Variants in ARHGAP24 observed in about 807,000 individuals in gnomAD.
The protein encoded by ARHGAP24 is rho GTPase-activating protein 24.
In ARHGAP24, 50 loss-of-function variants were observed where a neutral mutation model predicts 76.4. The observed-to-expected ratio is 0.65, with a 90% CI of 0.52 to 0.83. ARHGAP24 has a LOEUF of 0.83. Among genes scored for constraint, ARHGAP24 ranks in the 40% least tolerant of loss-of-function variants. The pLI, the probability that ARHGAP24 is intolerant of heterozygous loss-of-function variation, is 0.00. For missense variants in ARHGAP24, 930 were observed against 914.2 expected (o/e 1.02, Z -0.22); for synonymous variants, 345 against 323.3 (o/e 1.07, Z -0.72).
chr4:85,664,024 C>G (rs1176479925), intron 2 of ARHGAP24, among the ~76,000 whole-genome samples: 1 of 151,300 alleles, frequency 6.6e-6, no homozygotes, highest in Non-Finnish European at 1.5e-5. Flanking sequence ...CAGGATGATG[C>G]TGGCCTCATA....
chr4:85,657,764 T>C (rs1320038700), intron 2 of ARHGAP24, among the ~76,000 whole-genome samples: 2 of 152,214 alleles, frequency 1.3e-5, no homozygotes, highest in Non-Finnish European at 2.9e-5. Context: ...CAATTATTGT[T>C]ATTATTTTGA....
At chr4:85,896,128 C>T (rs933223297) in intron 3 of ARHGAP24, among the ~76,000 whole-genome samples, 2 of 152,128 alleles carry the variant, frequency 1.3e-5, no homozygotes, top group Non-Finnish European at 2.9e-5. Flanking sequence ...GCTAAACAAA[C>T]AGAAAATTTG....
intron 3 of ARHGAP24, among the ~76,000 whole-genome samples, chr4:85,895,415 T>A (rs757502053): frequency 2.0e-5 from 3 of 152,056 alleles, no homozygotes; most frequent in African/African-American, 7.2e-5. Context: ...CCAAAGTAGA[T>A]CACCTGGGCT....
At chr4:85,719,941 TG>T in intron 2 of ARHGAP24, among the ~76,000 whole-genome samples, 2 of 152,074 alleles carry the variant, frequency 1.3e-5, no homozygotes, top group African/African-American at 4.8e-5. Context: ...GATGGGAGCA[TG>T]CTGCCATTTA....
At chr4:85,992,908 G>C (rs2148869264) in intron 8 of ARHGAP24, among the ~76,000 whole-genome samples, 2 of 151,990 alleles carry the variant, frequency 1.3e-5, no homozygotes, top group East Asian at 3.9e-4. Context: ...ACTTATTACT[G>C]CTACGGTTTT....
At chr4:85,997,844 CAG>C (rs747110017) in intron 9 of ARHGAP24, among the ~76,000 whole-genome samples, 3 of 151,452 alleles carry the variant, frequency 2.0e-5, no homozygotes, top group Non-Finnish European at 4.4e-5. Context: ...CTTGTGGAGA[CAG>C]GGGTTTTACC....
chr4:85,887,733 A>G (rs190775046), intron 3 of ARHGAP24, among the ~76,000 whole-genome samples: 99 of 152,256 alleles, frequency 6.5e-4, no homozygotes, highest in African/African-American at 2.2e-3. Context: ...GCTTAGGTGA[A>G]TTTTGATCTG....
chr4:85,926,838 A>G (rs371855391), intron 4 of ARHGAP24, among the ~76,000 whole-genome samples: 4 of 152,310 alleles, frequency 2.6e-5, no homozygotes, highest in African/African-American at 7.2e-5. Flanking sequence ...GAGAAGCAGA[A>G]GTAAGAAGAA....
chr4:85,937,344 A>G (rs1371365252), intron 4 of ARHGAP24, among the ~76,000 whole-genome samples: 1 of 152,176 alleles, frequency 6.6e-6, no homozygotes, highest in Non-Finnish European at 1.5e-5. Flanking sequence ...GACACAGAAC[A>G]GGTTTTAAAA....
intron 3 of ARHGAP24, among the ~76,000 whole-genome samples, chr4:85,775,967 T>G (rs1051806685): frequency 6.6e-6 from 1 of 152,128 alleles, no homozygotes; most frequent in Non-Finnish European, 1.5e-5. Flanking sequence ...CTGAGGAGAA[T>G]GAACTGTGAG....
intron 2 of ARHGAP24, among the ~76,000 whole-genome samples, chr4:85,617,081 T>G (rs1449292550): frequency 6.8e-6 from 1 of 147,734 alleles, no homozygotes; most frequent in Non-Finnish European, 1.5e-5. Context: ...GTTATAAATA[T>G]GTATTATATA....
At chr4:85,618,405 C>T (rs944339238) in intron 2 of ARHGAP24, among the ~76,000 whole-genome samples, 1 of 152,116 alleles carries the variant, frequency 6.6e-6, no homozygotes, top group Non-Finnish European at 1.5e-5. Context: ...AAGTTGATTC[C>T]ATATCCTGGC....
At chr4:85,823,301 A>G (rs1225272209) in intron 3 of ARHGAP24, among the ~76,000 whole-genome samples, 1 of 152,168 alleles carries the variant, frequency 6.6e-6, no homozygotes, top group Non-Finnish European at 1.5e-5. Flanking sequence ...TGTACCTACT[A>G]TTTTCTAATA....
intron 3 of ARHGAP24, among the ~76,000 whole-genome samples, chr4:85,792,933 T>C (rs1277306022): frequency 6.6e-6 from 1 of 152,166 alleles, no homozygotes; most frequent in African/African-American, 2.4e-5. Flanking sequence ...AGAGAATCCA[T>C]TGTTTTTCAG....
intron 2 of ARHGAP24, among the ~76,000 whole-genome samples, chr4:85,655,818 A>AAAGAG (rs1722141470): frequency 1.1e-4 from 4 of 35,518 alleles, no homozygotes; most frequent in African/African-American, 6.0e-4. Context: ...GAGAGAGAGA[A>AAAGAG]AGAGAGAGAG....
At chr4:85,606,828 A>G (rs1369058926) in intron 2 of ARHGAP24, among the ~76,000 whole-genome samples, 1 of 152,248 alleles carries the variant, frequency 6.6e-6, no homozygotes, top group Non-Finnish European at 1.5e-5. Flanking sequence ...GTTAAGTGCT[A>G]TGGTGAAAAC....
chr4:85,919,646 G>A (rs1578388227), intron 3 of ARHGAP24, among the ~76,000 whole-genome samples: 1 of 152,298 alleles, frequency 6.6e-6, no homozygotes, highest in East Asian at 1.9e-4. Flanking sequence ...CACTGGCAGA[G>A]ATAAAGCATC....
At chr4:85,998,765 CTCT>C (rs1206453413) in intron 9 of ARHGAP24, among the ~76,000 whole-genome samples, 1 of 152,092 alleles carries the variant, frequency 6.6e-6, no homozygotes, top group Non-Finnish European at 1.5e-5. Flanking sequence ...ATTTTGTAGT[CTCT>C]TCTTCATAAA....
chr4:85,482,912 A>T (rs55724051), intron 1 of ARHGAP24, among the ~76,000 whole-genome samples: 1 of 152,128 alleles, frequency 6.6e-6, no homozygotes, highest in Non-Finnish European at 1.5e-5. Flanking sequence ...ACTCCAAGAG[A>T]GCAACCTTTA....
Sources: allele counts gnomAD v4.1 joint callset (sites outside exome capture counted in the v4.1 genomes callset), GRCh38; gene constraint gnomAD v4.1.1; transcripts MANE v1.5; gene names NCBI Gene and HGNC (gene_info 2026-07-23, HGNC 2026-07-21).